Variants in SHB observed in about 807,000 individuals in gnomAD.
The protein encoded by SHB is SH2 domain containing adaptor protein B.
A neutral mutation model predicts 52.3 loss-of-function variants in SHB; 20 were observed. That is an observed-to-expected ratio of 0.38 (90% CI 0.27 to 0.56). SHB has a LOEUF of 0.56. Among genes scored for constraint, SHB ranks in the 20% least tolerant of loss-of-function variants. SHB has a pLI of 0.71. For synonymous variants in SHB, 397 were observed against 316.5 expected (o/e 1.25, Z -2.70); for missense variants, 825 against 723.3 (o/e 1.14, Z -1.61).
At position 37,992,533 on chromosome 9, in the gene SHB, A is replaced by T. The variant is rs185853147; in HGVS notation, c.839-17696T>A. Among the ~76,000 whole-genome samples the T allele has an allele frequency of 4.3e-3, 623 of 144,294 alleles. 3 individuals carry two copies. Among genetic ancestry groups the T allele is most frequent in the Non-Finnish European group, 5.9e-3 (401 of 67,988 alleles). The allele number at this position is 144,294 out of a possible 152,430, so 94.7% of individuals were successfully genotyped here. ...AAGTACCACTAGGCTAAAGAGGCTT[A>T]CACTTCAGTGGAGGGGCAACAGGGA... On this transcript the variant is annotated intron_variant, in intron 2 of 5. Coordinates refer to ENST00000377707, the MANE Select transcript of SHB (RefSeq NM_003028.3).
At chr9:37,943,540 G>A (rs904652661) in intron 5 of SHB, among the ~76,000 whole-genome samples, 2 of 152,204 alleles carry the variant, frequency 1.3e-5, no homozygotes, top group Non-Finnish European at 2.9e-5. Context: ...TGCCTTCGGG[G>A]ATTAGAAAGC....
intron 1 of SHB, among the ~76,000 whole-genome samples, chr9:38,021,452 C>A (rs914514286): frequency 8.6e-5 from 13 of 151,986 alleles, no homozygotes; most frequent in Admixed American, 5.2e-4. Context: ...GGTCAGATAA[C>A]CCTGAGTTCA....
At chr9:37,954,847 C>T (rs1053529689) in intron 4 of SHB, among the ~76,000 whole-genome samples, 3 of 152,114 alleles carry the variant, frequency 2.0e-5, no homozygotes, top group Admixed American at 6.5e-5. Context: ...CAGGACCCTG[C>T]ACCCAGGGAT....
At chr9:37,974,031 G>C (rs1004102159) in intron 3 of SHB, among the ~76,000 whole-genome samples, 2 of 152,194 alleles carry the variant, frequency 1.3e-5, no homozygotes, top group Admixed American at 6.5e-5. Context: ...GAGGTGGGCG[G>C]ATCACCTGAG....
At chr9:37,955,827 G>T in intron 4 of SHB, 56 bp downstream of exon 4, 1 of 1,535,580 alleles carries the variant, frequency 6.5e-7, no homozygotes, top group Non-Finnish European at 9.0e-7. Flanking sequence ...ATGAAAGAGA[G>T]GGCAAAAACT....
chr9:38,012,975 G>A (rs16934714), intron 2 of SHB, among the ~76,000 whole-genome samples: 1,971 of 151,724 alleles, frequency 0.013, 43 homozygotes, highest in African/African-American at 0.045. Flanking sequence ...CAAGCCTCCT[G>A]GAGCATCTAC....
In SHB at chr9:38,068,605, C is replaced by G; in HGVS notation, c.41G>C (p.Ser14Thr). The G allele has an allele frequency of 6.7e-7, 1 of 1,492,842 alleles. No homozygotes were observed. The highest frequency in any genetic ancestry group is 1.3e-5 in the South Asian group (1 of 77,984). 92.5% of individuals were successfully genotyped at this position (1,492,842 alleles called of 1,614,324 possible). ...WLNKYFSLGN[S>T]KTKSPPQPPR... is the part of the protein sequence containing the mutation. ...CGGCTGCGGGGGGCTCTTGGTCTTGCTGTTGCCCAAGCTGAAGTACTTGTT... is the reference window on the plus strand; with the variant it reads ...CGGCTGCGGGGGGCTCTTGGTCTTGGTGTTGCCCAAGCTGAAGTACTTGTT... Residue 14 changes from serine to threonine, a missense_variant, in exon 1 of 6, where the codon AGC (serine) becomes ACC (threonine). Physicochemically the swap from Ser to Thr is moderately conservative, Grantham distance 58 (BLOSUM62 1). Coordinates refer to ENST00000377707, the MANE Select transcript of SHB (RefSeq NM_003028.3).
Position 37,932,403 on chromosome 9 carries a change from A to T in SHB, c.1347-12399T>A, listed in dbSNP as rs73455510. 5.2e-3 allele frequency among the ~76,000 whole-genome samples: 784 copies of T among 151,190 alleles called. 6 individuals carry two copies. Among genetic ancestry groups the T allele is most frequent in the African/African-American group, 0.018 (728 of 41,222 alleles). ...AGTGGGTCCTTGGGGCAGGGTGGGG[A>T]GGAGATGGGGAGATGTAGGTCAGAG... On this transcript the variant is annotated intron_variant, in intron 5 of 5. Coordinates refer to ENST00000377707, the MANE Select transcript of SHB (RefSeq NM_003028.3).
chr9:38,040,195 A>C (rs1821556702), intron 1 of SHB, among the ~76,000 whole-genome samples: 1 of 152,204 alleles, frequency 6.6e-6, no homozygotes, highest in Non-Finnish European at 1.5e-5. Flanking sequence ...TTAGGTTCAG[A>C]GAAGCAGAGG....
Position 37,920,364 on chromosome 9 carries a change from T to C in SHB, c.1347-360A>G, listed in dbSNP as rs113416089. On this transcript the variant is annotated intron_variant, in intron 5 of 5. Coordinates refer to ENST00000377707, the MANE Select transcript of SHB (RefSeq NM_003028.3). ...GTCCCTCTTTTCTATTACCAGTGCA[T>C]ATCCCTGTTTAAGCCTTGCCTGACA... Among the ~76,000 whole-genome samples the C allele has an allele frequency of 8.5e-3, 1,298 of 152,320 alleles. 19 individuals are homozygous for C. Among genetic ancestry groups the C allele is most frequent in the African/African-American group, 0.03 (1,231 of 41,556 alleles).
intron 1 of SHB, among the ~76,000 whole-genome samples, chr9:38,064,089 ATCATT>A (rs1316757639): frequency 6.6e-6 from 1 of 151,410 alleles, no homozygotes; most frequent in Non-Finnish European, 1.5e-5. Flanking sequence ...CTCTTTTGTC[ATCATT>A]TTTTTTTTTT....
At chr9:38,038,930 G>C (rs934400385) in intron 1 of SHB, among the ~76,000 whole-genome samples, 3 of 152,210 alleles carry the variant, frequency 2.0e-5, no homozygotes, top group Admixed American at 6.5e-5. Context: ...GGAATGGAGC[G>C]GGTGGGATCA....
intron 1 of SHB, among the ~76,000 whole-genome samples, chr9:38,020,822 G>A (rs1193939688): frequency 2.0e-5 from 3 of 152,130 alleles, no homozygotes; most frequent in Non-Finnish European, 2.9e-5. Context: ...TGACGGGGTG[G>A]GGGGGTGGCC....
chr9:37,977,596 T>C (rs1186677556), intron 2 of SHB, among the ~76,000 whole-genome samples: 1 of 152,096 alleles, frequency 6.6e-6, no homozygotes, highest in Non-Finnish European at 1.5e-5. Flanking sequence ...GGGAAAAGAG[T>C]GGTAGGACTT....
At chr9:37,924,376 A>T (rs1030863185) in intron 5 of SHB, among the ~76,000 whole-genome samples, 1 of 152,206 alleles carries the variant, frequency 6.6e-6, no homozygotes, top group African/African-American at 2.4e-5. Context: ...TTTTAGACCT[A>T]ATTGCTTGAT....
At chr9:37,933,493 G>T (rs1832336497) in intron 5 of SHB, among the ~76,000 whole-genome samples, 1 of 152,138 alleles carries the variant, frequency 6.6e-6, no homozygotes, top group Admixed American at 6.5e-5. Context: ...TGGAGTGGAG[G>T]TTTTTAAAAA....
chr9:37,998,873 C>T (rs1159963283), intron 2 of SHB, among the ~76,000 whole-genome samples: 1 of 152,208 alleles, frequency 6.6e-6, no homozygotes, highest in Admixed American at 6.5e-5. Flanking sequence ...GAGGAAAGGC[C>T]CATTTTTCAT....
At chr9:37,926,451 T>G (rs1465071) in intron 5 of SHB, among the ~76,000 whole-genome samples, 4,059 of 152,240 alleles carry the variant, frequency 0.027, 84 homozygotes, top group East Asian at 0.1. Flanking sequence ...AAGAGCTCTA[T>G]GTACCTCTTC....
chr9:37,971,744 G>A (rs533622368), intron 3 of SHB, among the ~76,000 whole-genome samples: 1 of 152,240 alleles, frequency 6.6e-6, no homozygotes, highest in Admixed American at 6.5e-5. Context: ...ACAAAACCCA[G>A]GCCAAAACGG....
Sources: allele counts gnomAD v4.1 joint callset (sites outside exome capture counted in the v4.1 genomes callset), GRCh38; gene constraint gnomAD v4.1.1; transcripts MANE v1.5; gene names NCBI Gene and HGNC (gene_info 2026-07-23, HGNC 2026-07-21).